ERI2: variants seen among roughly 807,000 people sequenced by gnomAD.
The protein encoded by ERI2 is ERI1 exoribonuclease 2.
In ERI2, 35 loss-of-function variants were observed where a neutral mutation model predicts 46.8. The ratio of observed to expected loss-of-function variants is 0.75; its 90% CI spans 0.57 to 0.99. ERI2 has a LOEUF of 0.99. Among genes scored for constraint, ERI2 ranks in the 50% least tolerant of loss-of-function variants. The pLI is 0.00. For missense variants in ERI2, 695 were observed against 796.2 expected (o/e 0.87, Z 1.53); for synonymous variants, 224 against 271.0 (o/e 0.83, Z 1.70).
chr16:20,795,451 G>A (rs2080702525), downstream of ERI2, among the ~76,000 whole-genome samples: 1 of 152,194 alleles, frequency 6.6e-6, no homozygotes, highest in Non-Finnish European at 1.5e-5. Context: ...GGCTGTCCTG[G>A]TAATTTGTTG....
intron 1 of ERI2, among the ~76,000 whole-genome samples, chr16:20,805,504 GAATA>G (rs966250168): frequency 1.3e-5 from 2 of 151,964 alleles, no homozygotes; most frequent in African/African-American, 4.8e-5. Flanking sequence ...GTCTAATTAG[GAATA>G]AATAGTAACT....
chr16:20,801,236 C>T lies in ERI2; in HGVS notation c.427G>A (p.Glu143Lys). 1 of 1,611,864 alleles carries T rather than the reference C, an allele frequency of 6.2e-7. No homozygotes were observed. Among genetic ancestry groups the T allele is most frequent in the Non-Finnish European group, 8.5e-7 (1 of 1,179,140 alleles). ...ATGISEPSAS[E>K]VKLCAFVTWS... ...GTAACAAATGCACATAATTTTACTT[C>T]AGAAGCAGAAGGCTCTGAAATCCCA... is the stretch of plus-strand genomic sequence containing the variant. Residue 143 changes from glutamate to lysine, a missense_variant, in exon 5 of 9, where the codon GAA becomes AAA. Coordinates refer to ENST00000357967, the MANE Select transcript of ERI2 (RefSeq NM_001142725.2).
chr16:20,805,196 C>T (rs191810079), intron 1 of ERI2, among the ~76,000 whole-genome samples: 8 of 152,166 alleles, frequency 5.3e-5, no homozygotes, highest in East Asian at 1.9e-4. Context: ...GAGGTTGAGG[C>T]GGGTGGATCA....
At chr16:20,806,091 C>T in intron 1 of ERI2, 1 of 1,280,714 alleles carries the variant, frequency 7.8e-7, no homozygotes, top group Non-Finnish European at 9.8e-7. Context: ...TCCAACCAGT[C>T]TGCAGGGCAC....
intron 1 of ERI2, 146 bp from the exon 2 acceptor site, chr16:20,803,816 A>T: frequency 1.0e-6 from 1 of 958,030 alleles, no homozygotes; most frequent in Admixed American, 2.4e-5. Context: ...CTTTACCTGC[A>T]CAGGCCTCGA....
chr16:20,789,767 C>T lies in ERI2; in HGVS notation c.816-210G>A, dbSNP rs989578242. 8.6e-5 allele frequency among the ~76,000 whole-genome samples: 13 copies of T among 151,188 alleles called. No homozygotes were observed. The East Asian group carries it at 1.2e-3, about 14-fold the overall frequency. The stretch of plus-strand genomic sequence containing the variant: ...TCGGCTCACTGCAACCTCCCCATCC[C>T]GGGTTCAAGCAATTCTCCTGCTCAA... On this transcript the variant is annotated intron_variant, in intron 9 of 10. Transcript: ENST00000300005.
downstream of ERI2, among the ~76,000 whole-genome samples, chr16:20,791,495 C>T (rs1341994203): frequency 3.3e-5 from 5 of 152,234 alleles, no homozygotes; most frequent in Admixed American, 2.6e-4. Context: ...CATGACTAAT[C>T]TTTGTAACTG....
At position 20,798,045 on chromosome 16, in the gene ERI2, C is replaced by T; in HGVS notation, c.1755G>A (p.Glu585=). 2 of 1,551,752 alleles carry T rather than the reference C, an allele frequency of 1.3e-6. No individual in the cohort carries two copies. The highest frequency in any genetic ancestry group is 1.7e-6 in the Non-Finnish European group (2 of 1,146,962). ...GTGTCATTTTCCCACTCTTCCATGG[C>T]TCTTGTAGGTTAACTGTAGAAGTTA... The part of the protein sequence containing the change: ...SILTSTVNLQ[E]PWKSGKMTPP... Residue 585 remains glutamate, a synonymous_variant, in exon 9 of 9, where the codon GAG becomes GAA. Coordinates refer to ENST00000357967, the MANE Select transcript of ERI2 (RefSeq NM_001142725.2).
At chr16:20,795,500 G>T (rs1304293828), downstream of ERI2, among the ~76,000 whole-genome samples, 1 of 152,220 alleles carries the variant, frequency 6.6e-6, no homozygotes, top group Non-Finnish European at 1.5e-5. Flanking sequence ...TTTACTCCCA[G>T]ATCAAAGTGG....
downstream of ERI2, chr16:20,796,048 T>A (rs970543307): frequency 9.2e-6 from 2 of 217,998 alleles, no homozygotes; most frequent in African/African-American, 4.6e-5. Flanking sequence ...CACAGCCTTG[T>A]ATAAAGACTG....
chr16:20,801,032 T>G, intron 5 of ERI2, 171 bp downstream of exon 5: 1 of 475,280 alleles, frequency 2.1e-6, no homozygotes, highest in Non-Finnish European at 3.5e-6. Flanking sequence ...TTAAAAAATA[T>G]GTATTAATTT....
chr16:20,781,122 A>G lies in ERI2; in HGVS notation c.895-388T>C, dbSNP rs772031793. 1.2e-5 allele frequency: 19 copies of G among 1,613,978 alleles called. No homozygotes were observed. In the East Asian group the frequency reaches 3.8e-4, roughly 32 times the overall value. ...TTTACCCCGTTTTGAGCCGACTTCTATCTTGCAAGTAAGCCAAAGCACAAA... is the reference window on the plus strand; with the variant it reads ...TTTACCCCGTTTTGAGCCGACTTCTGTCTTGCAAGTAAGCCAAAGCACAAA... On this transcript the variant is annotated intron_variant, in intron 10 of 10. Coordinates refer to the ERI2 transcript ENST00000300005.
At chr16:20,789,768 G>A (rs111696134) in intron 9 of ERI2, among the ~76,000 whole-genome samples, 12 of 141,620 alleles carry the variant, frequency 8.5e-5, no homozygotes, top group Admixed American at 3.8e-4. Flanking sequence ...TCCCCATCCC[G>A]GGTTCAAGCA....
intron 10 of ERI2, among the ~76,000 whole-genome samples, chr16:20,783,856 G>A (rs2080408800): frequency 6.7e-6 from 1 of 149,570 alleles, no homozygotes; most frequent in South Asian, 2.1e-4. Context: ...TGCCCAGGCT[G>A]GAGTGCAGTG....
At chr16:20,803,315 C>T in intron 3 of ERI2, 118 bp downstream of exon 3, 2 of 1,148,684 alleles carry the variant, frequency 1.7e-6, no homozygotes, top group Non-Finnish European at 1.2e-6. Flanking sequence ...ATAAGTTTTG[C>T]ATTAAACTAC....
chr16:20,800,470 T>C (rs2080784363), intron 5 of ERI2, 68 bp from the exon 6 acceptor site: 1 of 875,908 alleles, frequency 1.1e-6, no homozygotes, highest in Non-Finnish European at 1.8e-6. Context: ...GCTGCCACCA[T>C]TTACAAATAG....
At chr16:20,784,925 T>C in intron 10 of ERI2, 2 of 1,553,478 alleles carry the variant, frequency 1.3e-6, no homozygotes, top group South Asian at 1.2e-5. Context: ...AAATAATCCT[T>C]AATCTTCACT....
chr16:20,794,146 A>G (rs182698460), downstream of ERI2, among the ~76,000 whole-genome samples: 3 of 152,318 alleles, frequency 2.0e-5, no homozygotes, highest in Admixed American at 2.0e-4. Context: ...TTCTGCTGCC[A>G]GGCCTATTCT....
At chr16:20,783,337 G>A (rs2080394643) in intron 10 of ERI2, 2 of 152,202 alleles carry the variant, frequency 1.3e-5, no homozygotes, top group South Asian at 2.1e-4. Context: ...TACAGGTTGA[G>A]TATCCCTTAT....
Sources: allele counts gnomAD v4.1 joint callset (sites outside exome capture counted in the v4.1 genomes callset), GRCh38; gene constraint gnomAD v4.1.1; transcripts MANE v1.5; gene names NCBI Gene and HGNC (gene_info 2026-07-23, HGNC 2026-07-21).